The following RBFOX2 variants were observed in gnomAD, a reference collection of about 807,000 sequenced individuals.
RBFOX2 encodes the protein RNA binding fox-1 homolog 2.
Under a neutral mutation model 49.1 loss-of-function variants are expected in RBFOX2, and 10 were observed. That is an observed-to-expected ratio of 0.20 (90% CI 0.13 to 0.35). The LOEUF (loss-of-function observed/expected upper bound fraction) is 0.35, where lower values mean the gene tolerates loss of function less well. RBFOX2 is among the 10% of genes least tolerant of loss of function. The pLI, the probability that RBFOX2 is intolerant of heterozygous loss-of-function variation, is 1.00. For missense variants in RBFOX2, 323 were observed against 486.9 expected (o/e 0.66, Z 3.17); for synonymous variants, 183 against 187.4 (o/e 0.98, Z 0.19).
At chr22:35,877,989 G>GA (rs760862955) in intron 1 of RBFOX2, among the ~76,000 whole-genome samples, 4 of 150,918 alleles carry the variant, frequency 2.7e-5, no homozygotes, top group Non-Finnish European at 5.9e-5. Flanking sequence ...AGACAGGTGG[G>GA]AAAAAAAGTT....
At chr22:35,741,999 A>G (rs1353383296) in exon 12 of RBFOX2, 2 of 152,170 alleles carry the variant, frequency 1.3e-5, no homozygotes, top group Admixed American at 6.5e-5. Context: ...TTAGTCAGCT[A>G]AAGTTCTCCC....
intron 1 of RBFOX2, among the ~76,000 whole-genome samples, chr22:35,816,855 T>TAC (rs1953186026): frequency 6.6e-6 from 1 of 152,212 alleles, no homozygotes; most frequent in South Asian, 2.1e-4. Flanking sequence ...ACTACTTCCA[T>TAC]ACAACCCAGC....
intron 1 of RBFOX2, among the ~76,000 whole-genome samples, chr22:35,849,381 C>G (rs1603406241): frequency 1.3e-5 from 2 of 151,794 alleles, no homozygotes; most frequent in African/African-American, 2.4e-5. Flanking sequence ...GGGTGAATGC[C>G]AACCACCTTT....
chr22:35,797,616 C>T (rs975404793), intron 2 of RBFOX2, among the ~76,000 whole-genome samples: 24 of 152,180 alleles, frequency 1.6e-4, no homozygotes, highest in African/African-American at 2.2e-4. Context: ...TTTGGTGCCA[C>T]GGCCTTGATT....
At chr22:35,885,955 C>G (rs1423048309) in intron 1 of RBFOX2, among the ~76,000 whole-genome samples, 1 of 149,438 alleles carries the variant, frequency 6.7e-6, no homozygotes, top group Non-Finnish European at 1.5e-5. Context: ...CTCCCGGGTC[C>G]ACGCCATTCT....
At chr22:35,893,081 T>C (rs1488941244) in intron 1 of RBFOX2, among the ~76,000 whole-genome samples, 6 of 152,258 alleles carry the variant, frequency 3.9e-5, no homozygotes, top group African/African-American at 1.4e-4. Flanking sequence ...GCTGACCTGC[T>C]TTTTGCCCTC....
At chr22:35,996,450 T>C (rs1243547843) in intron 1 of RBFOX2, 1 of 151,724 alleles carries the variant, frequency 6.6e-6, no homozygotes, top group African/African-American at 2.4e-5. Flanking sequence ...CCCATCTCTA[T>C]TAAAATCAGC....
At chr22:36,019,243 A>G (rs946671242) in intron 1 of RBFOX2, among the ~76,000 whole-genome samples, 1 of 152,134 alleles carries the variant, frequency 6.6e-6, no homozygotes, top group Non-Finnish European at 1.5e-5. Context: ...TTCACTCCTT[A>G]GCAAAGAATT....
At chr22:35,961,942 A>G (rs908012111), upstream of RBFOX2, among the ~76,000 whole-genome samples, 3 of 152,192 alleles carry the variant, frequency 2.0e-5, no homozygotes, top group East Asian at 1.9e-4. Flanking sequence ...GCAAGTAGTG[A>G]TATCTGCTGA....
At chr22:35,836,670 G>A (rs1448100886) in intron 1 of RBFOX2, among the ~76,000 whole-genome samples, 1 of 152,190 alleles carries the variant, frequency 6.6e-6, no homozygotes, top group Non-Finnish European at 1.5e-5. Context: ...AGGGCTTTGT[G>A]TTCCACAGAA....
intron 4 of RBFOX2, among the ~76,000 whole-genome samples, chr22:35,776,423 T>C (rs1434516415): frequency 2.0e-5 from 3 of 152,220 alleles, no homozygotes; most frequent in African/African-American, 7.2e-5. Flanking sequence ...AGTTAACAAA[T>C]AATTGTTATA....
intron 1 of RBFOX2, among the ~76,000 whole-genome samples, chr22:35,867,120 A>G (rs2043785476): frequency 6.6e-6 from 1 of 152,160 alleles, no homozygotes; most frequent in African/African-American, 2.4e-5. Context: ...AATGGTTCAG[A>G]AAAAAAGAGA....
intron 1 of RBFOX2, among the ~76,000 whole-genome samples, chr22:35,923,557 G>A (rs1388736389): frequency 6.6e-6 from 1 of 152,046 alleles, no homozygotes; most frequent in Admixed American, 6.6e-5. Flanking sequence ...TCTTTTCTAG[G>A]AGGACCATTC....
intron 1 of RBFOX2, among the ~76,000 whole-genome samples, chr22:35,838,999 T>C (rs1869687858): frequency 6.6e-6 from 1 of 152,116 alleles, no homozygotes; most frequent in South Asian, 2.1e-4. Context: ...ACTAGCTGGC[T>C]CTCTCGCCCT....
chr22:35,770,349 G>T (rs6000001), intron 4 of RBFOX2, among the ~76,000 whole-genome samples: 7,448 of 152,190 alleles, frequency 0.049, 208 homozygotes, highest in African/African-American at 0.067. Flanking sequence ...TAAATTAATA[G>T]TTGGATTACT....
chr22:35,976,796 C>T (rs745846506), intron 1 of RBFOX2, among the ~76,000 whole-genome samples: 5 of 152,008 alleles, frequency 3.3e-5, no homozygotes, highest in Non-Finnish European at 7.4e-5. Context: ...AACCTCGCCT[C>T]TACTAAAAAT....
At chr22:35,933,964 A>G (rs976854864) in intron 1 of RBFOX2, among the ~76,000 whole-genome samples, 2 of 147,530 alleles carry the variant, frequency 1.4e-5, no homozygotes, top group Non-Finnish European at 3.0e-5. Flanking sequence ...ACACACATCA[A>G]TGAAATAAAT....
chr22:36,020,622 G>A (rs952028269), intron 1 of RBFOX2, among the ~76,000 whole-genome samples: 8 of 152,098 alleles, frequency 5.3e-5, no homozygotes, highest in African/African-American at 7.2e-5. Context: ...AGAAATTTAC[G>A]CAGCCAACAG....
chr22:36,021,556 A>T (rs953883246), intron 1 of RBFOX2, among the ~76,000 whole-genome samples: 13 of 152,154 alleles, frequency 8.5e-5, no homozygotes, highest in African/African-American at 3.1e-4. Flanking sequence ...TGACCAAAAA[A>T]TGTTCAGACT....
Sources: gnomAD v4.1 joint callset for allele counts (sites outside exome capture counted in the v4.1 genomes callset) on GRCh38, gnomAD v4.1.1 for gene constraint, MANE v1.5 for transcripts, NCBI Gene and HGNC (gene_info 2026-07-23, HGNC 2026-07-21) for gene names.